Variants in ABI3BP observed in about 807,000 individuals in gnomAD.
ABI3BP encodes target of Nesh-SH3.
Under a neutral mutation model 268.6 loss-of-function variants are expected in ABI3BP, and 216 were observed. The observed-to-expected ratio is 0.80, with a 90% CI of 0.72 to 0.90. ABI3BP has a LOEUF of 0.90. Among genes scored for constraint, ABI3BP ranks in the 40% least tolerant of loss-of-function variants. The pLI is 0.00. For missense variants in ABI3BP, 2,090 were observed against 2,182.4 expected, an observed-to-expected ratio of 0.96 and a Z score of 0.84; for synonymous variants, 730 against 730.0, an observed-to-expected ratio of 1.00 and a Z score of 0.00.
chr3:100,840,949 T>C lies in ABI3BP; in HGVS notation c.1766-91A>G, dbSNP rs949101018. ...AACATGGAATATGCTTAATTTTTAA[T>C]TACTAGATTGAGCAAATATAAATGG... On this transcript the variant is annotated intron_variant, in intron 21 of 67. Transcript: ENST00000471714. 6 of 1,032,446 alleles carry C rather than the reference T, an allele frequency of 5.8e-6. No individual in the cohort carries two copies. In the Admixed American group the frequency reaches 6.8e-5, roughly 12 times the overall value. 64.0% of individuals were successfully genotyped at this position (1,032,446 alleles called of 1,614,324 possible).
intron 9 of ABI3BP, among the ~76,000 whole-genome samples, chr3:100,868,392 T>G (rs1179027361): frequency 6.6e-6 from 1 of 152,238 alleles, no homozygotes; most frequent in Non-Finnish European, 1.5e-5. Flanking sequence ...AGATATTCCC[T>G]AAGGGACAAA....
Position 100,847,578 on chromosome 3 carries a change from C to G in ABI3BP, c.1648+24G>C, listed in dbSNP as rs759842145. 58 of 1,578,418 alleles carry G rather than the reference C, an allele frequency of 3.7e-5. 3 individuals are homozygous for G. In the South Asian group the frequency reaches 6.1e-4, roughly 17 times the overall value. On this transcript the variant is annotated intron_variant, in intron 19 of 67. Transcript: ENST00000471714. ...TCCATGGTGAAATGAAGCAACACAT[C>G]TACTAAGGACATATCATTATTACCC...
At chr3:100,813,594 C>A in intron 45 of ABI3BP, 67 bp downstream of exon 45, 1 of 1,210,574 alleles carries the variant, frequency 8.3e-7, no homozygotes, top group Non-Finnish European at 1.2e-6. Context: ...GGAAATATAA[C>A]TTAGAGAATT....
chr3:100,817,972 GA>G (rs1438588632), intron 41 of ABI3BP, among the ~76,000 whole-genome samples: 1 of 152,154 alleles, frequency 6.6e-6, no homozygotes, highest in Non-Finnish European at 1.5e-5. Context: ...AGTATTCCTT[GA>G]TTCAGTAAAA....
intron 14 of ABI3BP, among the ~76,000 whole-genome samples, chr3:100,859,088 T>A (rs1159151136): frequency 6.6e-6 from 1 of 152,214 alleles, no homozygotes; most frequent in Admixed American, 6.5e-5. Context: ...ATAAGTCTTT[T>A]CTATCATCTT....
intron 2 of ABI3BP, chr3:100,911,003 T>C: frequency 5.9e-6 from 1 of 169,822 alleles, no homozygotes; most frequent in Non-Finnish European, 1.3e-5. Flanking sequence ...CTAGATCCCT[T>C]CATTTTCTCA....
intron 4 of ABI3BP, among the ~76,000 whole-genome samples, chr3:100,887,045 C>T (rs1002968934): frequency 4.0e-5 from 6 of 151,898 alleles, no homozygotes. Flanking sequence ...GTCATGAAAA[C>T]ATCTTAGCTG....
chr3:100,894,866 C>G lies in ABI3BP; in HGVS notation c.461+3896G>C, dbSNP rs373768350. 1.1e-3 allele frequency among the ~76,000 whole-genome samples: 158 copies of G among 137,990 alleles called. No homozygotes were observed. In the Middle Eastern group the frequency reaches 0.017, roughly 15 times the overall value. The allele number at this position is 137,990 out of a possible 152,430, so 90.5% of individuals were successfully genotyped here. ...AGGCAGGAGAATGGCGTGAACCCGG[C>G]AGGCGGAGCTTACAGTGAGCCGAGA... On this transcript the variant is annotated intron_variant, in intron 4 of 67. Transcript: ENST00000471714.
chr3:100,952,509 T>C (rs757667853), intron 1 of ABI3BP: 2 of 152,174 alleles, frequency 1.3e-5, no homozygotes, highest in Non-Finnish European at 2.9e-5. Context: ...ACTCTAATTG[T>C]AATTTGGTAT....
intron 2 of ABI3BP, chr3:100,914,413 G>T (rs967421684): frequency 5.3e-5 from 24 of 455,330 alleles, no homozygotes; most frequent in Non-Finnish European, 7.5e-5. Context: ...TCATACTAAA[G>T]GTTAAACTAC....
intron 24 of ABI3BP, 65 bp downstream of exon 24, chr3:100,839,504 T>A: frequency 1.3e-6 from 2 of 1,482,136 alleles, no homozygotes; most frequent in Non-Finnish European, 1.8e-6. Context: ...ATGCCTGTAA[T>A]GGAGAGTGGG....
intron 55 of ABI3BP, among the ~76,000 whole-genome samples, chr3:100,791,919 T>G (rs977089671): frequency 6.6e-6 from 1 of 151,876 alleles, no homozygotes; most frequent in African/African-American, 2.4e-5. Flanking sequence ...GAACTCATAA[T>G]GGGCAACATA....
intron 1 of ABI3BP, among the ~76,000 whole-genome samples, chr3:100,929,068 T>C (rs778569029): frequency 7.2e-5 from 11 of 152,076 alleles, no homozygotes; most frequent in African/African-American, 1.2e-4. Context: ...CGAACACATA[T>C]TCTGCTACCT....
At chr3:100,829,987 C>A (rs1433724033) in intron 32 of ABI3BP, among the ~76,000 whole-genome samples, 1 of 150,214 alleles carries the variant, frequency 6.7e-6, no homozygotes, top group Admixed American at 6.6e-5. Context: ...ATGGTACTTA[C>A]AATTTAAATT....
intron 2 of ABI3BP, among the ~76,000 whole-genome samples, chr3:100,912,999 G>T (rs777709041): frequency 1.3e-5 from 2 of 152,192 alleles, no homozygotes; most frequent in Non-Finnish European, 2.9e-5. Context: ...CACTGAAGAA[G>T]TCAGTCTAGG....
At chr3:100,820,333 G>A in intron 39 of ABI3BP, 30 bp from the exon 40 acceptor site, 2 of 1,515,766 alleles carry the variant, frequency 1.3e-6, no homozygotes, top group Non-Finnish European at 1.8e-6. Flanking sequence ...AGTTACTACA[G>A]AGTCCGTAGC....
At chr3:100,781,182 T>C (rs1351518696) in intron 57 of ABI3BP, among the ~76,000 whole-genome samples, 1 of 152,222 alleles carries the variant, frequency 6.6e-6, no homozygotes, top group African/African-American at 2.4e-5. Context: ...CAACCCTGTT[T>C]TGAGGACTCA....
intron 1 of ABI3BP, among the ~76,000 whole-genome samples, chr3:100,986,291 T>C (rs2091735961): frequency 6.6e-6 from 1 of 152,172 alleles, no homozygotes. Flanking sequence ...CATGCAAACC[T>C]TCAGATCAGA....
At position 100,754,771 on chromosome 3, in the gene ABI3BP, C is replaced by G; in HGVS notation, c.4851-80G>C. ...CAACATTGCCCTATTATACGGACAT[C>G]CACTATACTGACATCCCTTTGAAAT... is the stretch of plus-strand genomic sequence containing the variant. On this transcript the variant is annotated intron_variant, in intron 63 of 67. Transcript: ENST00000471714. 6 of 1,111,650 alleles carry G rather than the reference C, an allele frequency of 5.4e-6. 2 individuals carry two copies. The South Asian group carries it at 8.1e-5, about 15-fold the overall frequency. The allele number at this position is 1,111,650 out of a possible 1,614,324, so 68.9% of individuals were successfully genotyped here.
Sources: allele counts gnomAD v4.1 joint callset (sites outside exome capture counted in the v4.1 genomes callset), GRCh38; gene constraint gnomAD v4.1.1; transcripts MANE v1.5; gene names NCBI Gene and HGNC (gene_info 2026-07-23, HGNC 2026-07-21).